The following COG2 variants were observed in gnomAD, a reference collection of about 807,000 sequenced individuals.
COG2 encodes the protein component of oligomeric golgi complex 2.
Under a neutral mutation model 90.6 loss-of-function variants are expected in COG2, and 52 were observed. The observed-to-expected ratio is 0.57, with a 90% CI of 0.46 to 0.72. The LOEUF (loss-of-function observed/expected upper bound fraction) is 0.72, where lower values mean the gene tolerates loss of function less well. Among genes scored for constraint, COG2 ranks in the 30% least tolerant of loss-of-function variants. The probability of loss-of-function intolerance (pLI) is 0.00; values close to 1 mark genes in which losing one functional copy is unlikely to be tolerated. For missense variants in COG2, 829 were observed against 891.2 expected, an observed-to-expected ratio of 0.93 and a Z score of 0.89; for synonymous variants, 337 against 320.4, an observed-to-expected ratio of 1.05 and a Z score of -0.55.
chr1:230,682,210 G>A (rs1390175348), intron 10 of COG2: 1 of 152,090 alleles, frequency 6.6e-6, no homozygotes, highest in East Asian at 1.9e-4. Flanking sequence ...GGCCTTTTCT[G>A]TATCAGGGCT....
chr1:230,683,341 TTCAGAC>T, intron 10 of COG2: 2 of 441,766 alleles, frequency 4.5e-6, no homozygotes, highest in South Asian at 5.9e-5. Flanking sequence ...TAAGTTATGA[TTCAGAC>T]CAGCTGCAAA....
chr1:230,645,946 C>T (rs960623462), intron 1 of COG2, among the ~76,000 whole-genome samples: 1 of 152,130 alleles, frequency 6.6e-6, no homozygotes, highest in Non-Finnish European at 1.5e-5. Flanking sequence ...CTGCGCTCCT[C>T]CTGCTGGGCC....
intron 1 of COG2, among the ~76,000 whole-genome samples, chr1:230,657,609 A>G (rs1463901388): frequency 6.6e-6 from 1 of 151,882 alleles, no homozygotes; most frequent in Non-Finnish European, 1.5e-5. Context: ...TTGAATGTTG[A>G]CCTGTCTTGC....
intron 8 of COG2, 97 bp downstream of exon 8, chr1:230,671,737 C>A: frequency 8.7e-7 from 1 of 1,152,878 alleles, no homozygotes; most frequent in East Asian, 2.4e-5. Context: ...CTTGTATGAA[C>A]TGTCTTGTAT....
At chr1:230,691,704 G>T (rs1005094999) in intron 17 of COG2, 140 bp downstream of exon 17, 7 of 748,806 alleles carry the variant, frequency 9.3e-6, no homozygotes, top group East Asian at 2.7e-5. Context: ...ACTAGGAGTC[G>T]GGGCTCCCAA....
intron 9 of COG2, 70 bp downstream of exon 9, chr1:230,675,194 T>A: frequency 6.6e-7 from 1 of 1,513,862 alleles, no homozygotes; most frequent in Non-Finnish European, 8.9e-7. Context: ...CATGTTCTCT[T>A]CTACTTAGTC....
chr1:230,675,164 A>G, intron 9 of COG2, 40 bp downstream of exon 9: 1 of 1,583,668 alleles, frequency 6.3e-7, no homozygotes, highest in Non-Finnish European at 8.6e-7. Flanking sequence ...GAAGATGTTA[A>G]CCGGAGACTG....
intron 1 of COG2, among the ~76,000 whole-genome samples, chr1:230,654,566 CT>C (rs1018725505): frequency 3.3e-5 from 5 of 152,022 alleles, no homozygotes; most frequent in Non-Finnish European, 7.4e-5. Flanking sequence ...AGCTTTGTTC[CT>C]TTTGCTTAGG....
At chr1:230,669,779 C>T (rs1282425837) in intron 7 of COG2, 7 of 372,676 alleles carry the variant, frequency 1.9e-5, no homozygotes, top group Admixed American at 1.2e-4. Context: ...GCTTCAAGGG[C>T]GAGATTCAAG....
chr1:230,678,330 AG>A (rs1156773871), intron 9 of COG2: 2 of 985,300 alleles, frequency 2.0e-6, no homozygotes, highest in Non-Finnish European at 2.4e-6. Context: ...TGATGATGGT[AG>A]TTGCCCTGTG....
At chr1:230,692,636 G>A (rs1014149016) in intron 17 of COG2, among the ~76,000 whole-genome samples, 2 of 152,114 alleles carry the variant, frequency 1.3e-5, no homozygotes, top group Non-Finnish European at 2.9e-5. Flanking sequence ...GGAAAGAGAG[G>A]GGAAGGAAAA....
At chr1:230,674,142 C>T (rs748226137) in intron 8 of COG2, among the ~76,000 whole-genome samples, 1 of 152,196 alleles carries the variant, frequency 6.6e-6, no homozygotes, top group Non-Finnish European at 1.5e-5. Context: ...CTTAAGGAAT[C>T]TCCGTTATTT....
chr1:230,648,955 G>T (rs1205724164), intron 1 of COG2, among the ~76,000 whole-genome samples: 2 of 152,122 alleles, frequency 1.3e-5, no homozygotes, highest in Admixed American at 1.3e-4. Context: ...GGGGTAAAAA[G>T]GAGAGAGAAA....
chr1:230,686,786 A>G lies in COG2; in HGVS notation c.1381-149A>G, dbSNP rs566846927. The G allele has an allele frequency of 2.2e-5, 10 of 446,410 alleles. No individual in the cohort carries two copies. In the East Asian group the frequency reaches 3.4e-4, roughly 15 times the overall value. 27.7% of individuals were successfully genotyped at this position (446,410 alleles called of 1,614,324 possible). A position where few individuals can be genotyped will look rare whatever the true frequency, so the allele number is the denominator to read the frequency against. On this transcript the variant is annotated intron_variant, in intron 12 of 17. Coordinates refer to ENST00000366669, the MANE Select transcript of COG2 (RefSeq NM_007357.3). ...CTTCACTCCTTCCTGTAGATACAAT[A>G]TTGTATACTTTTATTAGTAAGTTTT...
rs564921745 is a variant in COG2 at position 230,648,061 on chromosome 1, G to A, written c.72+5383G>A. 2.0e-4 allele frequency among the ~76,000 whole-genome samples: 31 copies of A among 152,198 alleles called. 1 individual carries two copies. The highest frequency in any genetic ancestry group is 1.5e-5 in the Non-Finnish European group (1 of 68,044). ...AGGCTTCAGTACTGGAAAAATAATC[G>A]TGTCATGCTTTCCTTTCTAGATGGT... On this transcript the variant is annotated intron_variant, in intron 1 of 17. Transcript: ENST00000366669.
intron 1 of COG2, among the ~76,000 whole-genome samples, chr1:230,655,718 C>T (rs1224240303): frequency 6.6e-6 from 1 of 152,168 alleles, no homozygotes. Flanking sequence ...GCTGTGAATC[C>T]GTCTGGTCCT....
chr1:230,680,896 A>G (rs1662728471), intron 10 of COG2: 1 of 152,188 alleles, frequency 6.6e-6, no homozygotes, highest in Non-Finnish European at 1.5e-5. Context: ...ATTCATTTCA[A>G]GGTCATTTGA....
At chr1:230,686,306 C>G (rs1332371140) in intron 12 of COG2, among the ~76,000 whole-genome samples, 2 of 152,196 alleles carry the variant, frequency 1.3e-5, no homozygotes, top group African/African-American at 4.8e-5. Flanking sequence ...CTGAAGACCA[C>G]TGTATGATTC....
At position 230,659,542 on chromosome 1, in the gene COG2, C is replaced by G; in HGVS notation, c.151C>G (p.Leu51Val). Residue 51 changes from leucine (L) to valine (V), a missense_variant, in exon 2 of 18, where the codon CTC becomes GTC. Transcript: ENST00000366669. ...GGAAGAACTGAGAGATGACCTGGAG[C>G]TCTACTATAAACTTCTTAAAACAGC... ...QLEELRDDLE[L>V]YYKLLKTAMV... is the part of the protein sequence containing the mutation. 6.2e-7 allele frequency: 1 copy of G among 1,613,834 alleles called. No individual in the cohort carries two copies. The highest frequency in any genetic ancestry group is 8.5e-7 in the Non-Finnish European group (1 of 1,179,746).
Sources: gnomAD v4.1 joint callset for allele counts (sites outside exome capture counted in the v4.1 genomes callset) on GRCh38, gnomAD v4.1.1 for gene constraint, MANE v1.5 for transcripts, NCBI Gene and HGNC (gene_info 2026-07-23, HGNC 2026-07-21) for gene names.